CDH18: variants seen among roughly 807,000 people sequenced by gnomAD.
CDH18 encodes the protein cadherin 18.
Under a neutral mutation model 67.9 loss-of-function variants are expected in CDH18, and 31 were observed. The observed-to-expected ratio is 0.46, with a 90% CI of 0.34 to 0.62. The LOEUF is 0.62. CDH18 is among the 20% of genes least tolerant of loss of function. CDH18 has a pLI of 0.01. For missense variants in CDH18, 890 were observed against 975.5 expected, an observed-to-expected ratio of 0.91 and a Z score of 1.17; for synonymous variants, 362 against 347.2, an observed-to-expected ratio of 1.04 and a Z score of -0.48.
At chr5:19,778,499 T>C (rs548988354) in intron 3 of CDH18, among the ~76,000 whole-genome samples, 1 of 152,276 alleles carries the variant, frequency 6.6e-6, no homozygotes, top group African/African-American at 2.4e-5. Flanking sequence ...AGCCAGATGA[T>C]GGAATACATA....
intron 3 of CDH18, among the ~76,000 whole-genome samples, chr5:19,782,746 C>G (rs913460510): frequency 6.6e-6 from 1 of 152,074 alleles, no homozygotes; most frequent in Non-Finnish European, 1.5e-5. Flanking sequence ...GCAATACTCC[C>G]TAATTCTTAG....
intron 4 of CDH18, among the ~76,000 whole-genome samples, chr5:19,741,158 C>T (rs1581143795): frequency 2.3e-5 from 2 of 87,856 alleles, no homozygotes; most frequent in African/African-American, 3.3e-5. Context: ...ACATCTATGT[C>T]ATCTATGTAT....
rs573858367 is a variant in CDH18, at chr5:20,495,195, T to C, written c.-580+80267A>G. On this transcript the variant is annotated intron_variant, in intron 1 of 14. Transcript: ENST00000507958. ...CAAAACCTCTGACAGCTCATTCTCT[T>C]CCAATCTGAAAGTCTCTTTGGTTAC... 1.1e-4 allele frequency among the ~76,000 whole-genome samples: 17 copies of C among 152,234 alleles called. No homozygotes were observed. The South Asian group carries it at 2.5e-3, about 22-fold the overall frequency.
intron 3 of CDH18, among the ~76,000 whole-genome samples, chr5:19,835,543 G>T (rs986372300): frequency 6.6e-6 from 1 of 151,886 alleles, no homozygotes; most frequent in Non-Finnish European, 1.5e-5. Context: ...CACTATGAAT[G>T]TATTTATAAA....
chr5:19,772,162 C>T (rs188664621), intron 3 of CDH18, among the ~76,000 whole-genome samples: 12 of 152,178 alleles, frequency 7.9e-5, no homozygotes, highest in African/African-American at 2.9e-4. Flanking sequence ...CACTCTTTTT[C>T]CTACCCACAG....
intron 1 of CDH18, among the ~76,000 whole-genome samples, chr5:20,471,789 G>A (rs79419729): frequency 0.025 from 3,195 of 126,674 alleles, 117 homozygotes; most frequent in African/African-American, 0.08. Flanking sequence ...CAGCCTGGGC[G>A]ACAGATCAGC....
chr5:20,555,832 T>C (rs1757876246), intron 1 of CDH18, among the ~76,000 whole-genome samples: 1 of 152,116 alleles, frequency 6.6e-6, no homozygotes. Flanking sequence ...TACTTTGTTC[T>C]TCTTAAAAAT....
chr5:20,328,118 A>C (rs1257807936), intron 1 of CDH18, among the ~76,000 whole-genome samples: 2 of 152,048 alleles, frequency 1.3e-5, no homozygotes, highest in Non-Finnish European at 2.9e-5. Flanking sequence ...TGAGGGAGGA[A>C]GGAAGCCTTT....
At chr5:19,891,573 C>T (rs1788786895) in intron 2 of CDH18, among the ~76,000 whole-genome samples, 1 of 152,150 alleles carries the variant, frequency 6.6e-6, no homozygotes, top group Non-Finnish European at 1.5e-5. Context: ...AAGATTCCCA[C>T]ATTATCTCCC....
At chr5:19,714,055 G>T (rs1159473672) in intron 5 of CDH18, among the ~76,000 whole-genome samples, 1 of 152,026 alleles carries the variant, frequency 6.6e-6, no homozygotes, top group East Asian at 1.9e-4. Flanking sequence ...TAACATAATC[G>T]GAGTGACTTC....
At chr5:19,898,546 TA>T (rs556153988) in intron 2 of CDH18, among the ~76,000 whole-genome samples, 62 of 151,642 alleles carry the variant, frequency 4.1e-4, no homozygotes, top group Non-Finnish European at 5.7e-4. Context: ...TAGTTTTTTT[TA>T]AAAAAAGGGT....
intron 1 of CDH18, among the ~76,000 whole-genome samples, chr5:20,379,588 T>C (rs1562017165): frequency 6.6e-6 from 1 of 152,140 alleles, no homozygotes; most frequent in East Asian, 1.9e-4. Context: ...TATATTCAGT[T>C]AATATGTGAT....
At chr5:20,311,049 A>G (rs2149988948) in intron 1 of CDH18, among the ~76,000 whole-genome samples, 1 of 152,288 alleles carries the variant, frequency 6.6e-6, no homozygotes, top group African/African-American at 2.4e-5. Context: ...TTCACCAGAC[A>G]TTGAATTCAA....
chr5:20,279,699 C>CAAAAAA (rs1189257278), intron 1 of CDH18, among the ~76,000 whole-genome samples: 1,556 of 13,544 alleles, frequency 0.11, 280 homozygotes, highest in Non-Finnish European at 0.16. Context: ...AGCTCTGTCT[C>CAAAAAA]AAAAAAAAAA....
intron 1 of CDH18, among the ~76,000 whole-genome samples, chr5:20,339,299 C>T (rs1353112675): frequency 4.6e-5 from 7 of 152,168 alleles, no homozygotes; most frequent in Non-Finnish European, 8.8e-5. Context: ...CAGGTCTTTC[C>T]TCCTGAGGGA....
intron 1 of CDH18, among the ~76,000 whole-genome samples, chr5:20,364,315 A>G (rs1742337186): frequency 6.6e-6 from 1 of 150,464 alleles, no homozygotes; most frequent in Non-Finnish European, 1.5e-5. Flanking sequence ...TTGAACCTAA[A>G]AAGGTTTACA....
At chr5:20,154,439 C>T (rs1317649917) in intron 2 of CDH18, among the ~76,000 whole-genome samples, 1 of 152,012 alleles carries the variant, frequency 6.6e-6, no homozygotes, top group Non-Finnish European at 1.5e-5. Context: ...TTCATGAGCT[C>T]GACAGTCTTC....
At chr5:20,232,616 T>C (rs1742162506) in intron 2 of CDH18, among the ~76,000 whole-genome samples, 1 of 152,124 alleles carries the variant, frequency 6.6e-6, no homozygotes, top group Non-Finnish European at 1.5e-5. Flanking sequence ...CCAGACGGCA[T>C]GTAGTCTGCT....
At chr5:20,291,918 T>C (rs748404471) in intron 1 of CDH18, among the ~76,000 whole-genome samples, 6 of 152,188 alleles carry the variant, frequency 3.9e-5, no homozygotes, top group Non-Finnish European at 5.9e-5. Flanking sequence ...GTGGTCTTAA[T>C]GCTTACTCTG....
Sources: gnomAD v4.1 joint callset for allele counts (sites outside exome capture counted in the v4.1 genomes callset) on GRCh38, gnomAD v4.1.1 for gene constraint, MANE v1.5 for transcripts, NCBI Gene and HGNC (gene_info 2026-07-23, HGNC 2026-07-21) for gene names.